The following CDH18 variants were observed in gnomAD, a reference collection of about 807,000 sequenced individuals.
CDH18 encodes the protein cadherin-18.
In CDH18, 31 loss-of-function variants were observed where a neutral mutation model predicts 67.9. The observed-to-expected ratio is 0.46, with a 90% confidence interval of 0.34 to 0.62. The LOEUF (loss-of-function observed/expected upper bound fraction) is 0.62. Among genes scored for constraint, CDH18 ranks in the 20% least tolerant of loss-of-function variants. The pLI is 0.01. For missense variants in CDH18, 890 were observed against 975.5 expected (o/e 0.91, Z 1.17); for synonymous variants, 362 against 347.2 (o/e 1.04, Z -0.48).
intron 1 of CDH18, among the ~76,000 whole-genome samples, chr5:20,545,515 C>G (rs545770081): frequency 6.6e-6 from 1 of 152,212 alleles, no homozygotes; most frequent in Non-Finnish European, 1.5e-5. Context: ...TCTCTGCACA[C>G]CTACAAGCCC....
chr5:19,898,556 G>T (rs1463355817), intron 2 of CDH18, among the ~76,000 whole-genome samples: 1 of 151,890 alleles, frequency 6.6e-6, no homozygotes, highest in South Asian at 2.1e-4. Flanking sequence ...TAAAAAAAGG[G>T]TATGTCCATG....
chr5:19,675,663 T>C (rs1478036669), intron 5 of CDH18, among the ~76,000 whole-genome samples: 1 of 152,030 alleles, frequency 6.6e-6, no homozygotes, highest in Non-Finnish European at 1.5e-5. Flanking sequence ...TTTCATATTG[T>C]TTAAACAATT....
intron 1 of CDH18, among the ~76,000 whole-genome samples, chr5:20,295,872 C>CTTTTTTTTTTTTTTTTTTTTTTTTTTT (rs35024141): frequency 9.1e-6 from 1 of 109,978 alleles, no homozygotes; most frequent in Non-Finnish European, 1.8e-5. Context: ...TCTTTTTTTT[C>CTTTTTTTTTTTTTTTTTTTTTTTTTTT]TTTTTTTTTT....
intron 1 of CDH18, among the ~76,000 whole-genome samples, chr5:20,274,082 A>G (rs181304029): frequency 1.7e-4 from 26 of 152,308 alleles, no homozygotes; most frequent in African/African-American, 6.0e-4. Context: ...TAACAAGCCA[A>G]GGAATGGCAA....
At chr5:20,278,454 CA>C (rs1004794594) in intron 1 of CDH18, among the ~76,000 whole-genome samples, 6 of 150,646 alleles carry the variant, frequency 4.0e-5, no homozygotes, top group Admixed American at 1.3e-4. Flanking sequence ...CTTTCCCAGA[CA>C]AAAAAAAGCT....
At chr5:20,361,767 A>G (rs553804592) in intron 1 of CDH18, among the ~76,000 whole-genome samples, 1 of 152,140 alleles carries the variant, frequency 6.6e-6, no homozygotes, top group Non-Finnish European at 1.5e-5. Flanking sequence ...GGTTATTTTC[A>G]TCTAACAACA....
intron 2 of CDH18, among the ~76,000 whole-genome samples, chr5:20,089,037 T>C (rs1745209283): frequency 6.6e-6 from 1 of 152,162 alleles, no homozygotes; most frequent in Non-Finnish European, 1.5e-5. Flanking sequence ...TGGTAGCTTT[T>C]AAAATAGGAA....
intron 1 of CDH18, among the ~76,000 whole-genome samples, chr5:20,503,367 GAAAT>G (rs1754457804): frequency 6.6e-6 from 1 of 151,584 alleles, no homozygotes; most frequent in African/African-American, 2.4e-5. Flanking sequence ...AAGTTAAAGT[GAAAT>G]ATTTTATCAA....
At chr5:20,179,843 T>C (rs1375947641) in intron 2 of CDH18, among the ~76,000 whole-genome samples, 1 of 152,132 alleles carries the variant, frequency 6.6e-6, no homozygotes, top group East Asian at 1.9e-4. Flanking sequence ...TCCATTTCTC[T>C]TTGATTGAGC....
In CDH18 at chr5:19,764,624, CATATAT is replaced by C. The variant is rs72234101; in HGVS notation, c.229-17394_229-17389del. Among the ~76,000 whole-genome samples the C allele has an allele frequency of 6.6e-3, 962 of 145,264 alleles. 9 individuals are homozygous for C. The highest frequency in any genetic ancestry group is 0.035 in the East Asian group (175 of 4,940). On this transcript the variant is annotated intron_variant, in intron 3 of 12. Coordinates refer to ENST00000382275, the MANE Select transcript of CDH18 (RefSeq NM_004934.5). Reference sequence around the variant, plus strand: ...TTGATTAAGTAGGATTCTATTTCTTCATATATATATATATATATATATATACACACA... The same window carrying C: ...TTGATTAAGTAGGATTCTATTTCTTCATATATATATATATATATACACACA...
intron 2 of CDH18, among the ~76,000 whole-genome samples, chr5:20,180,958 C>T (rs10041852): frequency 0.7 from 105,983 of 152,034 alleles, 37,589 homozygotes; most frequent in African/African-American, 0.84. Flanking sequence ...CTTCTCCATA[C>T]TCTCTTCTGT....
In CDH18 at chr5:19,569,938, GT is replaced by G. The variant is rs1011499648; in HGVS notation, c.1253+1640del. Among the ~76,000 whole-genome samples, 20 of 151,964 alleles carry G rather than the reference GT, an allele frequency of 1.3e-4. 1 individual carries two copies. The highest frequency in any genetic ancestry group is 1.2e-3 in the Admixed American group (18 of 15,242). ...AATTAAACTAATGGTTGCACTTCCT[GT>G]TTTTTTAAATAATTACAGAAATTAT... On this transcript the variant is annotated intron_variant, in intron 8 of 12. Transcript: ENST00000382275.
At chr5:20,532,316 T>G (rs538516322) in intron 1 of CDH18, among the ~76,000 whole-genome samples, 1 of 152,258 alleles carries the variant, frequency 6.6e-6, no homozygotes, top group Non-Finnish European at 1.5e-5. Context: ...TATTTTACTT[T>G]CTTATACTTT....
intron 2 of CDH18, among the ~76,000 whole-genome samples, chr5:20,203,986 T>C (rs1175525240): frequency 6.6e-6 from 1 of 151,684 alleles, no homozygotes; most frequent in Non-Finnish European, 1.5e-5. Flanking sequence ...AGAGAACAAA[T>C]AGAACCTGCA....
At chr5:19,712,331 C>A (rs981999925) in intron 5 of CDH18, among the ~76,000 whole-genome samples, 1 of 151,980 alleles carries the variant, frequency 6.6e-6, no homozygotes, top group African/African-American at 2.4e-5. Flanking sequence ...AAACTTGCTA[C>A]TGTGTGTAAA....
intron 11 of CDH18, among the ~76,000 whole-genome samples, chr5:19,500,171 C>G (rs928283763): frequency 6.6e-6 from 1 of 151,588 alleles, no homozygotes; most frequent in African/African-American, 2.4e-5. Context: ...CATTTTCTGA[C>G]CCTTATTCCA....
At chr5:20,061,136 T>C (rs1032956889) in intron 2 of CDH18, among the ~76,000 whole-genome samples, 7 of 152,058 alleles carry the variant, frequency 4.6e-5, no homozygotes, top group African/African-American at 9.7e-5. Context: ...GAGAATTACT[T>C]CTGAAAATTT....
chr5:20,089,111 A>C (rs1007400459), intron 2 of CDH18, among the ~76,000 whole-genome samples: 15 of 152,098 alleles, frequency 9.9e-5, no homozygotes, highest in African/African-American at 3.6e-4. Flanking sequence ...TTCTGAAAAA[A>C]TAATAAGTCC....
intron 1 of CDH18, among the ~76,000 whole-genome samples, chr5:20,308,003 A>C (rs1415432365): frequency 6.6e-6 from 1 of 151,516 alleles, no homozygotes; most frequent in Non-Finnish European, 1.5e-5. Context: ...TGTGTTTTTA[A>C]GATTAAAAAC....
Sources: gnomAD v4.1 joint callset for allele counts (sites outside exome capture counted in the v4.1 genomes callset) on GRCh38, gnomAD v4.1.1 for gene constraint, MANE v1.5 for transcripts, NCBI Gene and HGNC (gene_info 2026-07-23, HGNC 2026-07-21) for gene names.